FAM83B: variants seen among roughly 807,000 people sequenced by gnomAD.
FAM83B encodes scaffolding CK1 anchoring protein B.
FAM83B carries 26 observed loss-of-function variants against 38.8 expected under a neutral mutation model. That is an observed-to-expected ratio of 0.67 (90% confidence interval 0.49 to 0.93). The LOEUF (loss-of-function observed/expected upper bound fraction) is 0.93, where lower values mean the gene tolerates loss of function less well. FAM83B is among the 40% of genes least tolerant of loss of function. FAM83B has a pLI of 0.00. For missense variants in FAM83B, 1,237 were observed against 1,197.3 expected (o/e 1.03, Z -0.49); for synonymous variants, 419 against 423.1 (o/e 0.99, Z 0.12).
intron 2 of FAM83B, among the ~76,000 whole-genome samples, chr6:54,887,083 C>G (rs996517813): frequency 1.3e-5 from 2 of 152,162 alleles, no homozygotes; most frequent in African/African-American, 2.4e-5. Flanking sequence ...TGTACTTTGA[C>G]AATATTTAAA....
At chr6:54,899,173 A>G (rs1239745317) in intron 2 of FAM83B, among the ~76,000 whole-genome samples, 2 of 152,220 alleles carry the variant, frequency 1.3e-5, no homozygotes, top group Non-Finnish European at 2.9e-5. Context: ...TTAATTTGTC[A>G]TGAAATCTAG....
In FAM83B at chr6:54,918,011, T is replaced by C. The variant is rs1056818870; in HGVS notation, c.445-8360T>C. ...ATGTAAAAATATTGGTGATGGATTA[T>C]AGATACTCATATTATTCCTTCAACT... On this transcript the variant is annotated intron_variant, in intron 2 of 4. Transcript: ENST00000306858. Among the ~76,000 whole-genome samples, 24 of 152,180 alleles carry C rather than the reference T, an allele frequency of 1.6e-4. 1 individual carries two copies. The highest frequency in any genetic ancestry group is 2.9e-5 in the Non-Finnish European group (2 of 68,012).
chr6:54,866,984 T>G (rs1263456713), intron 1 of FAM83B, among the ~76,000 whole-genome samples: 1 of 151,998 alleles, frequency 6.6e-6, no homozygotes, highest in Non-Finnish European at 1.5e-5. Context: ...TTTAATTTTT[T>G]TTGAGGCATG....
intron 2 of FAM83B, among the ~76,000 whole-genome samples, chr6:54,923,423 TCATGGCAGAACCACAGC>T (rs1285108888): frequency 6.6e-6 from 1 of 152,052 alleles, no homozygotes; most frequent in Non-Finnish European, 1.5e-5. Flanking sequence ...TGTTACACAC[TCATGGCAGAACCACAGC>T]CATGGCTAAA....
rs1773680944 is a variant in FAM83B, at chr6:54,941,229, A to G, written c.2258A>G (p.Lys753Arg). The part of the protein sequence containing the change: ...LLDVNKEESN[K>R]ELASKKEVKG... ...GATGTGAATAAAGAGGAATCTAACA[A>G]AGAACTTGCTTCAAAGAAGGAAGTT... is the stretch of plus-strand genomic sequence containing the variant. Residue 753 changes from lysine (K) to arginine (R), a missense_variant, in exon 5 of 5, where the codon AAA (lysine) becomes AGA (arginine). By Grantham distance (26) the Lys-to-Arg change is conservative. Transcript: ENST00000306858. 1.2e-6 allele frequency: 2 copies of G among 1,613,424 alleles called. No homozygotes were observed. The highest frequency in any genetic ancestry group is 1.7e-6 in the Non-Finnish European group (2 of 1,179,846).
At chr6:54,912,032 G>A (rs1772921902) in intron 2 of FAM83B, among the ~76,000 whole-genome samples, 1 of 151,588 alleles carries the variant, frequency 6.6e-6, no homozygotes, top group African/African-American at 2.4e-5. Flanking sequence ...TGCCCTCTTT[G>A]TCTCATTTTC....
chr6:54,923,115 A>G (rs1773208289), intron 2 of FAM83B, among the ~76,000 whole-genome samples: 1 of 152,022 alleles, frequency 6.6e-6, no homozygotes, highest in East Asian at 1.9e-4. Flanking sequence ...ATTCACGGCC[A>G]TTTTTTTCAT....
intron 1 of FAM83B, among the ~76,000 whole-genome samples, chr6:54,869,593 C>A (rs1190171189): frequency 2.6e-5 from 4 of 152,004 alleles, no homozygotes; most frequent in African/African-American, 7.2e-5. Context: ...TTTCTTCTTG[C>A]CACCTGATCA....
At chr6:54,939,668 C>A in intron 4 of FAM83B, 38 bp from the exon 5 acceptor site, 1 of 1,513,224 alleles carries the variant, frequency 6.6e-7, no homozygotes, top group South Asian at 1.3e-5. Flanking sequence ...TATTATCAAT[C>A]TTTTAAATGA....
At chr6:54,925,192 A>G (rs2127588138) in intron 2 of FAM83B, among the ~76,000 whole-genome samples, 1 of 152,288 alleles carries the variant, frequency 6.6e-6, no homozygotes, top group East Asian at 1.9e-4. Flanking sequence ...ACACTGTCTC[A>G]GAGAGACCTT....
chr6:54,875,034 A>G (rs2127576463), intron 2 of FAM83B, among the ~76,000 whole-genome samples: 1 of 152,328 alleles, frequency 6.6e-6, no homozygotes, highest in African/African-American at 2.4e-5. Context: ...TTATAAAAGT[A>G]GAACTAGAAT....
rs185866739 is a variant in FAM83B at position 54,873,863 on chromosome 6, T to C, written c.444+3173T>C. 1.9e-3 allele frequency among the ~76,000 whole-genome samples: 285 copies of C among 152,170 alleles called. 2 individuals are homozygous for C. Among genetic ancestry groups the C allele is most frequent in the Non-Finnish European group, 1.6e-3 (109 of 67,972 alleles). On this transcript the variant is annotated intron_variant, in intron 2 of 4. Transcript: ENST00000306858. ...TCCATTTTCACTTTTGTGTTTGCAG[T>C]TGAGATAAGGTACTTGTGAAAATAA...
At chr6:54,874,323 G>A (rs1039840076) in intron 2 of FAM83B, among the ~76,000 whole-genome samples, 1 of 151,880 alleles carries the variant, frequency 6.6e-6, no homozygotes, top group Non-Finnish European at 1.5e-5. Flanking sequence ...ACTTTCCTTT[G>A]GGAAAATTCA....
intron 2 of FAM83B, among the ~76,000 whole-genome samples, chr6:54,881,884 G>C (rs919720170): frequency 6.6e-6 from 1 of 152,148 alleles, no homozygotes; most frequent in African/African-American, 2.4e-5. Context: ...ATTTACATTA[G>C]GCATATCTCC....
chr6:54,851,366 C>T (rs1016335121), intron 1 of FAM83B, among the ~76,000 whole-genome samples: 3 of 151,444 alleles, frequency 2.0e-5, no homozygotes, highest in Non-Finnish European at 4.4e-5. Context: ...CTTTTTTTCC[C>T]GTTCATCTTT....
chr6:54,940,440 C>T lies in FAM83B; in HGVS notation c.1469C>T (p.Ser490Leu). The T allele has an allele frequency of 6.2e-7, 1 of 1,614,056 alleles. No individual in the cohort carries two copies. Among genetic ancestry groups the T allele is most frequent in the South Asian group, 1.1e-5 (1 of 91,070 alleles). Residue 490 changes from serine (S) to leucine (L), a missense_variant, in exon 5 of 5, where the codon TCA (serine) becomes TTA (leucine). Transcript: ENST00000306858. ...CCAACCCTTGAACATACCACAAAGT[C>T]ATTCCTACGTAACTGGAGAATTGAA... ...RMPTLEHTTK[S>L]FLRNWRIESY...
chr6:54,892,520 G>A (rs1772429645), intron 2 of FAM83B, among the ~76,000 whole-genome samples: 1 of 151,610 alleles, frequency 6.6e-6, no homozygotes, highest in African/African-American at 2.4e-5. Context: ...AGAACATGTG[G>A]TATTTAGTTT....
Position 54,942,050 on chromosome 6 carries a change from A to C in FAM83B, c.*43A>C, listed in dbSNP as rs773191307. 1 of 1,542,616 alleles carries C rather than the reference A, an allele frequency of 6.5e-7. No individual in the cohort carries two copies. Among genetic ancestry groups the C allele is most frequent in the African/African-American group, 1.4e-5 (1 of 72,060 alleles). On this transcript the variant is annotated 3_prime_UTR_variant, in exon 5 of 5. Transcript: ENST00000306858. ...GAATGAGGCTATCAATATTTGTCCA[A>C]AGAAAATTGTGGACAGTCTTTGTAA...
chr6:54,875,658 A>G (rs1771972840), intron 2 of FAM83B, among the ~76,000 whole-genome samples: 1 of 151,900 alleles, frequency 6.6e-6, no homozygotes, highest in African/African-American at 2.4e-5. Context: ...AGAGGGAAGA[A>G]GAGACGGAGG....
Sources: allele counts gnomAD v4.1 joint callset (sites outside exome capture counted in the v4.1 genomes callset), GRCh38; gene constraint gnomAD v4.1.1; transcripts MANE v1.5; gene names NCBI Gene and HGNC (gene_info 2026-07-23, HGNC 2026-07-21).